The following PRKCZ variants were observed in gnomAD, a reference collection of about 807,000 sequenced individuals.
PRKCZ encodes protein kinase C zeta, also known as protein kinase C zeta type.
In PRKCZ, 33 loss-of-function variants were observed where a neutral mutation model predicts 79.5. The observed-to-expected ratio is 0.41, with a 90% CI of 0.31 to 0.55. The LOEUF (loss-of-function observed/expected upper bound fraction) is 0.55. PRKCZ is among the 20% of genes least tolerant of loss of function. The pLI, the probability that PRKCZ is intolerant of heterozygous loss-of-function variation, is 0.19. For missense variants in PRKCZ, 578 were observed against 813.5 expected, an observed-to-expected ratio of 0.71 and a Z score of 3.52; for synonymous variants, 342 against 320.9, an observed-to-expected ratio of 1.07 and a Z score of -0.70.
rs545727679 is a variant in PRKCZ, at chr1:2,137,579, C to A, written c.420+2232C>A. On this transcript the variant is annotated intron_variant, in intron 5 of 17. Transcript: ENST00000378567. ...AACCACTCACCTCTGTTTCCGTCTCCACATGGCCTCCTCTGTATCTGTCTC... is the reference window on the plus strand; with the variant it reads ...AACCACTCACCTCTGTTTCCGTCTCAACATGGCCTCCTCTGTATCTGTCTC... Among the ~76,000 whole-genome samples the A allele has an allele frequency of 2.5e-3, 369 of 145,498 alleles. 1 individual carries two copies. The highest frequency in any genetic ancestry group is 4.5e-3 in the Non-Finnish European group (290 of 64,006).
intron 4 of PRKCZ, among the ~76,000 whole-genome samples, chr1:2,063,158 C>G (rs1358675119): frequency 1.3e-5 from 2 of 152,034 alleles, no homozygotes; most frequent in Admixed American, 1.3e-4. Context: ...TTTTGTTTAC[C>G]CATTTCTGTC....
intron 4 of PRKCZ, among the ~76,000 whole-genome samples, chr1:2,129,375 G>T (rs1674527100): frequency 6.6e-6 from 1 of 152,178 alleles, no homozygotes; most frequent in Admixed American, 6.5e-5. Context: ...CCTGCACTCA[G>T]AACTGTCACG....
chr1:2,079,798 C>T (rs1215588979), intron 4 of PRKCZ, among the ~76,000 whole-genome samples: 3 of 152,078 alleles, frequency 2.0e-5, no homozygotes, highest in Non-Finnish European at 2.9e-5. Flanking sequence ...GCTTCCTGGG[C>T]CCCTGGTGAC....
At chr1:2,124,901 G>A (rs190296557) in intron 4 of PRKCZ, among the ~76,000 whole-genome samples, 4 of 152,238 alleles carry the variant, frequency 2.6e-5, no homozygotes, top group East Asian at 1.9e-4. Context: ...AGCTTTCGTC[G>A]ATTGTTCGTG....
chr1:2,101,229 A>G (rs1667391577), intron 4 of PRKCZ, among the ~76,000 whole-genome samples: 1 of 152,162 alleles, frequency 6.6e-6, no homozygotes, highest in South Asian at 2.1e-4. Context: ...TCAAGGAGAT[A>G]CCATTCCTTT....
chr1:2,118,069 G>T (rs3128290), intron 4 of PRKCZ, among the ~76,000 whole-genome samples: 93,787 of 138,272 alleles, frequency 0.68, 32,079 homozygotes, highest in African/African-American at 0.84. Flanking sequence ...CGATCTGGGC[G>T]CACTGCAACC....
chr1:2,150,684 G>C (rs1679713596), intron 8 of PRKCZ, 106 bp from the exon 9 acceptor site: 1 of 1,165,542 alleles, frequency 8.6e-7, no homozygotes, highest in Non-Finnish European at 1.2e-6. Flanking sequence ...GAGGCCCTGG[G>C]CTCTGAGGAG....
At chr1:2,135,006 C>G in intron 4 of PRKCZ, 1 of 340,066 alleles carries the variant, frequency 2.9e-6, no homozygotes, top group Non-Finnish European at 5.5e-6. Flanking sequence ...TGGATCCTGT[C>G]CGCCCTGCGA....
At chr1:2,080,371 C>T (rs1304630740) in intron 4 of PRKCZ, among the ~76,000 whole-genome samples, 3 of 121,222 alleles carry the variant, frequency 2.5e-5, no homozygotes, top group East Asian at 2.3e-4. Context: ...AGGTGTGGAC[C>T]AGCACGTCCC....
chr1:2,060,218 T>G (rs1270530177), intron 4 of PRKCZ, among the ~76,000 whole-genome samples: 4 of 152,360 alleles, frequency 2.6e-5, no homozygotes, highest in Admixed American at 2.6e-4. Flanking sequence ...TTGTTCGTTG[T>G]GTGGGCAGGA....
intron 16 of PRKCZ, among the ~76,000 whole-genome samples, chr1:2,181,539 A>G (rs1686613191): frequency 1.3e-5 from 2 of 152,232 alleles, no homozygotes. Context: ...GTCAGGCACC[A>G]TGGGTCCCGA....
At chr1:2,108,658 G>A (rs997045338) in intron 4 of PRKCZ, among the ~76,000 whole-genome samples, 5 of 152,206 alleles carry the variant, frequency 3.3e-5, no homozygotes, top group Admixed American at 2.6e-4. Context: ...TGGTGGCCGT[G>A]GGAGAAGCAG....
intron 4 of PRKCZ, among the ~76,000 whole-genome samples, chr1:2,060,754 T>C (rs1040280695): frequency 9.9e-5 from 15 of 152,032 alleles, no homozygotes; most frequent in African/African-American, 3.6e-4. Context: ...AGATGGGGTA[T>C]GTCCGTGGCA....
chr1:2,098,662 CGTTTTGTTTT>C (rs140076665), intron 4 of PRKCZ: 49,489 of 150,880 alleles, frequency 0.33, 9,159 homozygotes, highest in East Asian at 0.61. Context: ...TGTTTGTTTT[CGTTTTGTTTT>C]GTTTTGTTTT....
chr1:2,180,460 ACGGACACCCAGACGACG>A (rs1476758968), intron 16 of PRKCZ, among the ~76,000 whole-genome samples: 1 of 151,144 alleles, frequency 6.6e-6, no homozygotes, highest in African/African-American at 2.5e-5. Context: ...ACTCAGATGC[ACGGACACCCAGACGACG>A]CGGACGCACA....
chr1:2,050,903 C>T (rs1659577455), intron 1 of PRKCZ: 2 of 381,060 alleles, frequency 5.2e-6, no homozygotes, highest in Non-Finnish European at 9.2e-6. Flanking sequence ...GCTCCTTCCC[C>T]GGGACCGGGT....
In PRKCZ at chr1:2,144,554, T is replaced by C. The variant is rs1006111502; in HGVS notation, c.552+213T>C. On this transcript the variant is annotated intron_variant, in intron 6 of 17. Transcript: ENST00000378567. Reference sequence around the variant, plus strand: ...ACAAGCCCCCGGCACACTCTGCTCATTGGGGCATGAGGCTCAGGCAGCAGG... The same window carrying C: ...ACAAGCCCCCGGCACACTCTGCTCACTGGGGCATGAGGCTCAGGCAGCAGG... The C allele has an allele frequency of 2.6e-5, 37 of 1,401,776 alleles. No homozygotes were observed. In the Admixed American group the frequency reaches 5.0e-4, roughly 19 times the overall value. 86.8% of individuals were successfully genotyped at this position (1,401,776 alleles called of 1,614,324 possible). A position where few individuals can be genotyped will look rare whatever the true frequency, so the allele number is the denominator to read the frequency against.
intron 16 of PRKCZ, among the ~76,000 whole-genome samples, chr1:2,176,303 G>A (rs773866149): frequency 6.0e-4 from 91 of 152,174 alleles, no homozygotes; most frequent in Non-Finnish European, 1.1e-3. Flanking sequence ...AGGCTGGCGT[G>A]TGTCTGTCAG....
chr1:2,151,685 A>G (rs1478264522), intron 9 of PRKCZ, among the ~76,000 whole-genome samples: 1 of 151,904 alleles, frequency 6.6e-6, no homozygotes, highest in Non-Finnish European at 1.5e-5. Context: ...TTTTTTGGAA[A>G]CGGTCTTACT....
Sources: gnomAD v4.1 joint callset for allele counts (sites outside exome capture counted in the v4.1 genomes callset) on GRCh38, gnomAD v4.1.1 for gene constraint, MANE v1.5 for transcripts, NCBI Gene and HGNC (gene_info 2026-07-23, HGNC 2026-07-21) for gene names.